The following UCK2 variants were observed in gnomAD, a reference collection of about 807,000 sequenced individuals.
UCK2 encodes cytidine monophosphokinase 2.
Under a neutral mutation model 30.8 loss-of-function variants are expected in UCK2, and 6 were observed. The ratio of observed to expected loss-of-function variants is 0.19; its 90% CI spans 0.11 to 0.38. UCK2 has a LOEUF of 0.38. Among genes scored for constraint, UCK2 ranks in the 10% least tolerant of loss-of-function variants. UCK2 has a pLI of 1.00. For synonymous variants in UCK2, 125 were observed against 133.6 expected (o/e 0.94, Z 0.45); for missense variants, 210 against 339.8 (o/e 0.62, Z 3.00).
At chr1:165,882,522 A>G (rs1053726430) in intron 1 of UCK2, among the ~76,000 whole-genome samples, 1 of 152,180 alleles carries the variant, frequency 6.6e-6, no homozygotes, top group African/African-American at 2.4e-5. Context: ...AAGAACAGAA[A>G]TTTATTTCTC....
chr1:165,854,663 A>G (rs1245632468), intron 1 of UCK2, among the ~76,000 whole-genome samples: 1 of 151,980 alleles, frequency 6.6e-6, no homozygotes, highest in African/African-American at 2.4e-5. Context: ...TGTCTTTTGG[A>G]TCTCTTCAGA....
Position 165,827,864 on chromosome 1 carries a change from A to G in UCK2, c.31A>G (p.Asn11Asp). 1 of 1,479,456 alleles carries G rather than the reference A, an allele frequency of 6.8e-7. No homozygotes were observed. The highest frequency in any genetic ancestry group is 9.0e-7 in the Non-Finnish European group (1 of 1,108,716). The allele number at this position is 1,479,456 out of a possible 1,614,324, so 91.6% of individuals were successfully genotyped here. Residue 11 changes from asparagine (N) to aspartate (D), a missense_variant, in exon 1 of 7, where the codon AAC becomes GAC. Physicochemically the swap from Asn to Asp is conservative, Grantham distance 23 (BLOSUM62 1). This residue lies in a region of UCK2 where 50 missense variants were observed against 41.0 expected (regional missense o/e 1.22). Coordinates refer to ENST00000367879, the MANE Select transcript of UCK2 (RefSeq NM_012474.5). MAGDSEQTLQ[N>D]HQQPNGGEPF... Reference sequence around the variant, plus strand: ...CGGGGACAGCGAGCAGACCCTGCAGAACCACCAGCAGCCCAACGGCGGCGA... The same window carrying G: ...CGGGGACAGCGAGCAGACCCTGCAGGACCACCAGCAGCCCAACGGCGGCGA...
intron 1 of UCK2, among the ~76,000 whole-genome samples, chr1:165,865,607 C>A (rs895310222): frequency 6.6e-6 from 1 of 151,946 alleles, no homozygotes; most frequent in Admixed American, 6.6e-5. Context: ...TTTTAAACAT[C>A]TTTCCCACAC....
At chr1:165,864,165 C>G (rs1242160889) in intron 1 of UCK2, among the ~76,000 whole-genome samples, 2 of 152,146 alleles carry the variant, frequency 1.3e-5, no homozygotes, top group African/African-American at 2.4e-5. Flanking sequence ...TCAGGCTGGT[C>G]TCGAACTCTT....
intron 1 of UCK2, among the ~76,000 whole-genome samples, chr1:165,861,338 G>A (rs908642483): frequency 3.3e-5 from 5 of 152,066 alleles, no homozygotes; most frequent in Admixed American, 1.3e-4. Flanking sequence ...CCTAAAAACA[G>A]TAAAACTCGG....
chr1:165,861,913 C>G (rs1024471220), intron 1 of UCK2, among the ~76,000 whole-genome samples: 37 of 152,298 alleles, frequency 2.4e-4, no homozygotes, highest in Non-Finnish European at 1.9e-4. Flanking sequence ...TTAATTTCAG[C>G]AAATTATGTT....
intron 1 of UCK2, among the ~76,000 whole-genome samples, chr1:165,845,092 T>C (rs953109260): frequency 6.6e-6 from 1 of 152,166 alleles, no homozygotes. Flanking sequence ...GGACCTGCCA[T>C]TGGCATCTGA....
rs780289263 is a variant in UCK2, at chr1:165,866,187, G to A, written c.100-24017G>A. Among the ~76,000 whole-genome samples, 22 of 152,236 alleles carry A rather than the reference G, an allele frequency of 1.4e-4. 1 individual carries two copies. Among genetic ancestry groups the A allele is most frequent in the Non-Finnish European group, 2.5e-4 (17 of 68,054 alleles). ...GGAAGTAAACACCTCTTAGGAGGCT[G>A]GCTTGAAGTTGACAGTTAGTAATGC... On this transcript the variant is annotated intron_variant, in intron 1 of 6. Coordinates refer to ENST00000367879, the MANE Select transcript of UCK2 (RefSeq NM_012474.5).
chr1:165,874,528 G>A (rs536620212), intron 1 of UCK2, among the ~76,000 whole-genome samples: 2 of 152,188 alleles, frequency 1.3e-5, no homozygotes, highest in East Asian at 1.9e-4. Context: ...CATCCCCTGC[G>A]TTAAAAGGGA....
chr1:165,827,948 GAGC>G lies in UCK2; in HGVS notation c.99+17_99+19del. 7.5e-7 allele frequency: 1 copy of G among 1,339,512 alleles called. No individual in the cohort carries two copies. The highest frequency in any genetic ancestry group is 9.7e-7 in the Non-Finnish European group (1 of 1,035,660). The allele number at this position is 1,339,512 out of a possible 1,614,324, so 83.0% of individuals were successfully genotyped here. A position where few individuals can be genotyped will look rare whatever the true frequency, so the allele number is the denominator to read the frequency against. ...TAGCGGCAAGGTACGGCGGGGCCCG[GAGC>G]CGCGCTCCCTTCCCGGCTTCTGTCC... On this transcript the variant is annotated intron_variant, in intron 1 of 6. Transcript: ENST00000367879.
rs143780006 is a variant in UCK2 at position 165,849,653 on chromosome 1, G to T, written c.99+21721G>T. On this transcript the variant is annotated intron_variant, in intron 1 of 6. Transcript: ENST00000367879. ...AAACATGAAATTTCTGCTTAAAACA[G>T]AGTTCCTTTTTCCATTTTTGGCTCT... 4.0e-3 allele frequency among the ~76,000 whole-genome samples: 607 copies of T among 152,334 alleles called. 10 individuals are homozygous for T. The highest frequency in any genetic ancestry group is 0.014 in the African/African-American group (579 of 41,570).
chr1:165,885,883 A>T (rs368139639), intron 1 of UCK2, among the ~76,000 whole-genome samples: 110 of 152,342 alleles, frequency 7.2e-4, no homozygotes, highest in African/African-American at 2.6e-3. Flanking sequence ...TATTATAGTG[A>T]TAATAATTTT....
At chr1:165,842,679 C>T (rs949779024) in intron 1 of UCK2, among the ~76,000 whole-genome samples, 7 of 152,204 alleles carry the variant, frequency 4.6e-5, no homozygotes, top group African/African-American at 1.7e-4. Context: ...ATCTGGACCA[C>T]CTCCAAAACA....
intron 1 of UCK2, among the ~76,000 whole-genome samples, chr1:165,868,814 G>A (rs1315892987): frequency 1.3e-5 from 2 of 152,132 alleles, no homozygotes; most frequent in Admixed American, 6.5e-5. Flanking sequence ...TTTAATTGCC[G>A]TCATGAACTT....
intron 1 of UCK2, among the ~76,000 whole-genome samples, chr1:165,832,032 G>A (rs1053056248): frequency 4.6e-5 from 7 of 152,258 alleles, no homozygotes; most frequent in African/African-American, 1.7e-4. Flanking sequence ...GCCTCCCGAA[G>A]CGTTGGGATT....
rs569700892 is a variant in UCK2 at position 165,840,650 on chromosome 1, A to G, written c.99+12718A>G. ...TGTGAGTTATTACTTCTTTGCTGAT[A>G]AGACCCATAGCTAGTCAGATATTGG... is the stretch of plus-strand genomic sequence containing the variant. On this transcript the variant is annotated intron_variant, in intron 1 of 6. Coordinates refer to ENST00000367879, the MANE Select transcript of UCK2 (RefSeq NM_012474.5). 2.0e-5 allele frequency among the ~76,000 whole-genome samples: 3 copies of G among 152,302 alleles called. No individual in the cohort carries two copies. In the South Asian group the frequency reaches 6.2e-4, roughly 32 times the overall value.
At chr1:165,880,507 C>T (rs1655457912) in intron 1 of UCK2, among the ~76,000 whole-genome samples, 1 of 151,702 alleles carries the variant, frequency 6.6e-6, no homozygotes, top group Admixed American at 6.6e-5. Flanking sequence ...GAGAGGGCAT[C>T]ATAAGCAGCA....
At chr1:165,856,408 T>A (rs1333569470) in intron 1 of UCK2, among the ~76,000 whole-genome samples, 1 of 142,336 alleles carries the variant, frequency 7.0e-6, no homozygotes, top group East Asian at 2.0e-4. Context: ...ATTAGGTGAT[T>A]TTTTTTTTTT....
chr1:165,866,365 ACT>A (rs1325143203), intron 1 of UCK2, among the ~76,000 whole-genome samples: 1 of 151,970 alleles, frequency 6.6e-6, no homozygotes, highest in Non-Finnish European at 1.5e-5. Flanking sequence ...GGTTTTAGAG[ACT>A]CTACCTGAAA....
Sources: allele counts gnomAD v4.1 joint callset (sites outside exome capture counted in the v4.1 genomes callset), GRCh38; gene constraint gnomAD v4.1.1; regional missense constraint gnomAD v4.1.1; transcripts MANE v1.5; gene names NCBI Gene and HGNC (gene_info 2026-07-23, HGNC 2026-07-21).